Variants in BAALC observed in about 807,000 individuals in gnomAD.
BAALC encodes BAALC binder of MAP3K1 and KLF4.
In BAALC, 9 loss-of-function variants were observed where a neutral mutation model predicts 15.5. The ratio of observed to expected loss-of-function variants is 0.58; its 90% CI spans 0.35 to 1.02. BAALC has a LOEUF of 1.02. BAALC is among the 50% of genes least tolerant of loss of function. The pLI, the probability that BAALC is intolerant of heterozygous loss-of-function variation, is 0.02. For synonymous variants in BAALC, 80 were observed against 74.6 expected (o/e 1.07, Z -0.37); for missense variants, 201 against 192.4 (o/e 1.04, Z -0.27).
chr8:103,176,468 G>GAA (rs144959529), intron 1 of BAALC, among the ~76,000 whole-genome samples: 5 of 147,122 alleles, frequency 3.4e-5, no homozygotes, highest in Non-Finnish European at 7.5e-5. Context: ...AGTGCCATAA[G>GAA]AAAAAAAAAA....
At chr8:103,182,449 A>G (rs983958817) in intron 1 of BAALC, among the ~76,000 whole-genome samples, 15 of 152,264 alleles carry the variant, frequency 9.9e-5, no homozygotes, top group Admixed American at 4.6e-4. Flanking sequence ...TTTTAAGAGA[A>G]CAAATTTTCC....
At chr8:103,197,748 A>T (rs1008346995) in intron 1 of BAALC, among the ~76,000 whole-genome samples, 2 of 152,054 alleles carry the variant, frequency 1.3e-5, no homozygotes, top group Admixed American at 1.3e-4. Flanking sequence ...AGAGCGGGAG[A>T]AAGAGTGGTG....
intron 1 of BAALC, among the ~76,000 whole-genome samples, chr8:103,160,345 A>G (rs1811197040): frequency 6.6e-6 from 1 of 152,162 alleles, no homozygotes; most frequent in Non-Finnish European, 1.5e-5. Flanking sequence ...AATGGAGAGG[A>G]TGAAGTAAAG....
intron 2 of BAALC, among the ~76,000 whole-genome samples, chr8:103,219,990 C>T (rs916734865): frequency 6.6e-6 from 1 of 152,160 alleles, no homozygotes; most frequent in African/African-American, 2.4e-5. Flanking sequence ...AGGTAAGCAA[C>T]ATCATTTCCT....
intron 1 of BAALC, among the ~76,000 whole-genome samples, chr8:103,170,524 T>A (rs571316444): frequency 2.6e-5 from 4 of 152,110 alleles, no homozygotes; most frequent in Non-Finnish European, 4.4e-5. Flanking sequence ...GAGAATGCCA[T>A]GTGCAGTGAA....
At chr8:103,146,465 C>T (rs910158445) in intron 1 of BAALC, among the ~76,000 whole-genome samples, 3 of 152,222 alleles carry the variant, frequency 2.0e-5, no homozygotes, top group Admixed American at 6.5e-5. Context: ...ATGTCTGCTT[C>T]CGTCAAGGAT....
intron 1 of BAALC, among the ~76,000 whole-genome samples, chr8:103,155,054 A>T (rs1486194120): frequency 2.0e-5 from 3 of 152,050 alleles, no homozygotes; most frequent in Non-Finnish European, 2.9e-5. Context: ...TCGCCAATTA[A>T]ACATTTTTGA....
chr8:103,154,433 C>T (rs1181231459), intron 1 of BAALC, among the ~76,000 whole-genome samples: 4 of 152,100 alleles, frequency 2.6e-5, no homozygotes, highest in Non-Finnish European at 5.9e-5. Context: ...TTCACACCCC[C>T]AGTCACTCCC....
intron 1 of BAALC, among the ~76,000 whole-genome samples, chr8:103,211,888 G>A (rs34602800): frequency 0.14 from 20,836 of 152,094 alleles, 1,706 homozygotes; most frequent in South Asian, 0.23. Context: ...TAGAAAGTCC[G>A]GGCTACCTTG....
At chr8:103,191,454 G>T (rs183436439) in intron 1 of BAALC, 2 of 152,058 alleles carry the variant, frequency 1.3e-5, no homozygotes, top group African/African-American at 4.8e-5. Flanking sequence ...TCTCTGCAGG[G>T]TGATCCAGAT....
At chr8:103,200,207 C>T (rs1027290583) in intron 1 of BAALC, among the ~76,000 whole-genome samples, 6 of 152,108 alleles carry the variant, frequency 3.9e-5, no homozygotes, top group Non-Finnish European at 7.4e-5. Context: ...ATAACAGATG[C>T]TGGTGAGGTT....
intron 1 of BAALC, among the ~76,000 whole-genome samples, chr8:103,212,532 T>C (rs1812470312): frequency 6.6e-6 from 1 of 152,196 alleles, no homozygotes; most frequent in Admixed American, 6.5e-5. Context: ...CCCAAGGAAG[T>C]AATTTAAAAT....
intron 1 of BAALC, among the ~76,000 whole-genome samples, chr8:103,156,810 T>C (rs1239659111): frequency 1.3e-5 from 2 of 152,250 alleles, no homozygotes; most frequent in Non-Finnish European, 2.9e-5. Context: ...GTGTTTACTT[T>C]TCTGAATCAG....
At chr8:103,145,801 G>T (rs1328222427) in intron 1 of BAALC, among the ~76,000 whole-genome samples, 3 of 152,188 alleles carry the variant, frequency 2.0e-5, no homozygotes, top group African/African-American at 7.2e-5. Flanking sequence ...AACGTTTGTT[G>T]AATGAATGAA....
intron 1 of BAALC, among the ~76,000 whole-genome samples, chr8:103,198,540 C>A (rs1176374966): frequency 1.3e-5 from 2 of 151,524 alleles, no homozygotes; most frequent in South Asian, 2.1e-4. Context: ...AGTTTGTTTT[C>A]TGTGTGTATA....
At chr8:103,154,386 T>G (rs1811044888) in intron 1 of BAALC, among the ~76,000 whole-genome samples, 1 of 151,996 alleles carries the variant, frequency 6.6e-6, no homozygotes, top group African/African-American at 2.4e-5. Flanking sequence ...CCTCACCGCC[T>G]TTCACCTAGA....
chr8:103,160,865 C>T (rs1811208649), intron 1 of BAALC, among the ~76,000 whole-genome samples: 2 of 152,112 alleles, frequency 1.3e-5, no homozygotes, highest in South Asian at 4.1e-4. Context: ...TATTCACTGG[C>T]AGCTGATTAG....
chr8:103,210,093 A>G (rs929763538), intron 1 of BAALC, among the ~76,000 whole-genome samples: 5 of 152,296 alleles, frequency 3.3e-5, no homozygotes, highest in African/African-American at 1.2e-4. Context: ...GGCAGAGATG[A>G]GACATGTGTA....
intron 1 of BAALC, chr8:103,183,510 G>A (rs919024110): frequency 4.3e-6 from 3 of 699,674 alleles, no homozygotes; most frequent in African/African-American, 1.7e-5. Context: ...TGGGGAGGTG[G>A]GTATGGGACA....
Sources: allele counts gnomAD v4.1 joint callset (sites outside exome capture counted in the v4.1 genomes callset), GRCh38; gene constraint gnomAD v4.1.1; transcripts MANE v1.5; gene names NCBI Gene and HGNC (gene_info 2026-07-23, HGNC 2026-07-21).